The following PABPC4L variants were observed in gnomAD, a reference collection of about 807,000 sequenced individuals.
PABPC4L encodes the protein poly(A) binding protein cytoplasmic 4 like.
For synonymous variants in PABPC4L, 169 were observed against 164.1 expected (o/e 1.03, Z -0.23); for missense variants, 452 against 451.4 (o/e 1.00, Z -0.01).
the PABPC4L span, among the ~76,000 whole-genome samples, chr4:134,152,882 A>G: frequency 5.3e-5 from 8 of 152,286 alleles, no homozygotes; most frequent in African/African-American, 1.9e-4. Context: ...TCATGGTAGA[A>G]GGAAAAGGGG....
the PABPC4L span, among the ~76,000 whole-genome samples, chr4:134,047,739 A>C: frequency 1.9e-4 from 29 of 151,528 alleles, no homozygotes; most frequent in South Asian, 8.3e-4. Flanking sequence ...TAGCATAGCC[A>C]GTCATAGTGC....
the PABPC4L span, among the ~76,000 whole-genome samples, chr4:134,154,462 A>C: frequency 1.3e-5 from 2 of 151,926 alleles, no homozygotes; most frequent in African/African-American, 4.8e-5. Context: ...TTTAAAAAAT[A>C]AATAAATAAA....
chr4:134,082,075 G>T, the PABPC4L span, among the ~76,000 whole-genome samples: 2 of 152,096 alleles, frequency 1.3e-5, no homozygotes, highest in African/African-American at 2.4e-5. Flanking sequence ...ATCTAACGAG[G>T]TTCAGCGGCA....
At chr4:134,188,299 T>C in the PABPC4L span, among the ~76,000 whole-genome samples, 3 of 152,160 alleles carry the variant, frequency 2.0e-5, no homozygotes, top group Non-Finnish European at 2.9e-5. Context: ...TCAGATGCAT[T>C]GTTTTTATAA....
chr4:134,039,537 A>G, the PABPC4L span, among the ~76,000 whole-genome samples: 1 of 152,064 alleles, frequency 6.6e-6, no homozygotes, highest in East Asian at 1.9e-4. Flanking sequence ...TAGGATAGTT[A>G]GTTCTTCTTG....
chr4:134,087,285 A>G, the PABPC4L span, among the ~76,000 whole-genome samples: 8 of 152,242 alleles, frequency 5.3e-5, no homozygotes, highest in Middle Eastern at 3.4e-3. Flanking sequence ...TTGTAGGGAC[A>G]TGGATGAAAT....
chr4:134,068,407 T>C, the PABPC4L span, among the ~76,000 whole-genome samples: 1 of 152,168 alleles, frequency 6.6e-6, no homozygotes, highest in Admixed American at 6.5e-5. Context: ...TTGAGCCTGT[T>C]GGTGTCGTTG....
chr4:134,117,685 T>G, the PABPC4L span, among the ~76,000 whole-genome samples: 2 of 151,758 alleles, frequency 1.3e-5, no homozygotes, highest in African/African-American at 4.8e-5. Context: ...CAAGCATGAA[T>G]GGTTTCTCTC....
the PABPC4L span, among the ~76,000 whole-genome samples, chr4:133,957,905 C>T: frequency 3.2e-4 from 49 of 152,282 alleles, 1 homozygote; most frequent in Admixed American, 8.5e-4. Context: ...CCTGAGGCTG[C>T]GCAGAGCAGG....
At chr4:133,959,034 C>G in the PABPC4L span, among the ~76,000 whole-genome samples, 1 of 152,144 alleles carries the variant, frequency 6.6e-6, no homozygotes, top group African/African-American at 2.4e-5. Flanking sequence ...TACAGGTTTT[C>G]CTGTTTCTAT....
chr4:134,069,680 T>C, the PABPC4L span, among the ~76,000 whole-genome samples: 1 of 152,212 alleles, frequency 6.6e-6, no homozygotes, highest in Non-Finnish European at 1.5e-5. Flanking sequence ...TCAGTTTGGT[T>C]CTTTCTTAAA....
chr4:134,073,707 A>G, the PABPC4L span, among the ~76,000 whole-genome samples: 3 of 152,142 alleles, frequency 2.0e-5, no homozygotes, highest in African/African-American at 7.2e-5. Context: ...GCATTTCCAT[A>G]TATCTCTGAA....
At chr4:134,156,445 AAGGATATTCAGC>A in the PABPC4L span, among the ~76,000 whole-genome samples, 1 of 151,880 alleles carries the variant, frequency 6.6e-6, no homozygotes, top group Non-Finnish European at 1.5e-5. Context: ...TTAGCTCTCC[AAGGATATTCAGC>A]AGCTTTAAAT....
At chr4:134,169,550 T>C in the PABPC4L span, among the ~76,000 whole-genome samples, 1 of 151,706 alleles carries the variant, frequency 6.6e-6, no homozygotes, top group Non-Finnish European at 1.5e-5. Flanking sequence ...ACCTCAAGAC[T>C]CCATCAAAAA....
chr4:134,192,318 G>T (rs1269569263), downstream of PABPC4L, among the ~76,000 whole-genome samples: 1 of 151,840 alleles, frequency 6.6e-6, no homozygotes, highest in Non-Finnish European at 1.5e-5. Flanking sequence ...CATATGAAAG[G>T]TCCAGAATAT....
At chr4:134,024,317 C>T in the PABPC4L span, among the ~76,000 whole-genome samples, 2 of 152,060 alleles carry the variant, frequency 1.3e-5, no homozygotes, top group Non-Finnish European at 2.9e-5. Flanking sequence ...TACTTGGGCG[C>T]CATAACAAAA....
chr4:134,082,059 A>T, the PABPC4L span, among the ~76,000 whole-genome samples: 6 of 152,308 alleles, frequency 3.9e-5, no homozygotes, highest in African/African-American at 9.6e-5. Flanking sequence ...AAATAAAGAC[A>T]AAGTGATCTA....
the PABPC4L span, among the ~76,000 whole-genome samples, chr4:134,038,635 G>T: frequency 6.6e-6 from 1 of 152,028 alleles, no homozygotes; most frequent in Non-Finnish European, 1.5e-5. Context: ...TTTTCTGATG[G>T]TAGTTTGTAT....
downstream of PABPC4L, chr4:134,196,198 A>T (rs1729650391): frequency 6.6e-6 from 1 of 151,538 alleles, no homozygotes; most frequent in African/African-American, 2.4e-5. Context: ...TAGTTCATAA[A>T]GAAATTGTCC....
Sources: allele counts gnomAD v4.1 joint callset (sites outside exome capture counted in the v4.1 genomes callset), GRCh38; gene constraint gnomAD v4.1.1; transcripts MANE v1.5; gene names NCBI Gene and HGNC (gene_info 2026-07-23, HGNC 2026-07-21).